The following SCAI variants were observed in gnomAD, a reference collection of about 807,000 sequenced individuals.
The protein encoded by SCAI is suppressor of cancer cell invasion, also known as protein SCAI.
SCAI carries 24 observed loss-of-function variants against 92.2 expected under a neutral mutation model. The ratio of observed to expected loss-of-function variants is 0.26; its 90% CI spans 0.19 to 0.37. SCAI has a LOEUF of 0.37. SCAI is among the 10% of genes least tolerant of loss of function. The pLI is 1.00. For synonymous variants in SCAI, 261 were observed against 258.6 expected (o/e 1.01, Z -0.09); for missense variants, 450 against 736.2 (o/e 0.61, Z 4.50).
rs143630317 is a variant in SCAI at position 124,968,433 on chromosome 9, C to T, written c.1674+2937G>A. On this transcript the variant is annotated intron_variant, in intron 17 of 17. Coordinates refer to ENST00000336505, the MANE Select transcript of SCAI (RefSeq NM_001144877.3). ...CCAGTTTTTCTCAGTCCAGTCATAA[C>T]GCTTGAGTCCACTGGATGGAGAAGA... The T allele has an allele frequency of 3.5e-3, 3,772 of 1,080,452 alleles. 47 individuals are homozygous for T. Among genetic ancestry groups the T allele is most frequent in the Admixed American group, 0.023 (1,381 of 59,052 alleles). 66.9% of individuals were successfully genotyped at this position (1,080,452 alleles called of 1,614,324 possible).
At chr9:125,012,320 T>TA (rs1832656630) in intron 9 of SCAI, among the ~76,000 whole-genome samples, 1 of 151,658 alleles carries the variant, frequency 6.6e-6, no homozygotes, top group Non-Finnish European at 1.5e-5. Context: ...AGGCTCAAAA[T>TA]AAAAGGATGG....
intron 2 of SCAI, among the ~76,000 whole-genome samples, chr9:125,135,917 C>T (rs1011344721): frequency 2.8e-5 from 4 of 143,734 alleles, no homozygotes; most frequent in African/African-American, 7.8e-5. Context: ...TGCAGTGAGC[C>T]GAGATCACAC....
chr9:125,051,741 C>T (rs552187603), intron 3 of SCAI, among the ~76,000 whole-genome samples: 2 of 152,212 alleles, frequency 1.3e-5, no homozygotes, highest in East Asian at 3.9e-4. Flanking sequence ...TAAAAAATAA[C>T]ATAAAACTAA....
At chr9:125,123,180 G>A (rs1426498332) in intron 2 of SCAI, among the ~76,000 whole-genome samples, 3 of 152,072 alleles carry the variant, frequency 2.0e-5, no homozygotes, top group African/African-American at 7.2e-5. Context: ...TGAGAGACAT[G>A]GTAAAACTCT....
At chr9:125,108,641 GC>G (rs1834865538) in intron 2 of SCAI, among the ~76,000 whole-genome samples, 1 of 148,026 alleles carries the variant, frequency 6.8e-6, no homozygotes, top group Non-Finnish European at 1.5e-5. Flanking sequence ...CCCGGCAGCC[GC>G]CCCGTCTGAG....
chr9:125,024,575 AT>A (rs956961740), intron 6 of SCAI, among the ~76,000 whole-genome samples: 4 of 151,604 alleles, frequency 2.6e-5, no homozygotes, highest in Non-Finnish European at 5.9e-5. Flanking sequence ...GTACCCGGCC[AT>A]TTTTTTTAAG....
chr9:124,967,346 T>A (rs2131584468), intron 17 of SCAI, among the ~76,000 whole-genome samples: 1 of 152,300 alleles, frequency 6.6e-6, no homozygotes, highest in African/African-American at 2.4e-5. Flanking sequence ...TCAACCATAT[T>A]CTATCCCCTC....
At chr9:125,078,750 A>C (rs1406446689) in intron 2 of SCAI, among the ~76,000 whole-genome samples, 2 of 152,078 alleles carry the variant, frequency 1.3e-5, no homozygotes, top group African/African-American at 4.8e-5. Context: ...ACTCCTATAA[A>C]AAATCTAAAA....
intron 9 of SCAI, among the ~76,000 whole-genome samples, chr9:125,017,293 G>A (rs1027237607): frequency 1.3e-5 from 2 of 151,754 alleles, no homozygotes; most frequent in Non-Finnish European, 2.9e-5. Flanking sequence ...CATCTAGTTC[G>A]GTGATATCTC....
rs1834400924 is a variant in SCAI, at chr9:125,090,105, T to C, written c.99-34098A>G. 2.0e-5 allele frequency among the ~76,000 whole-genome samples: 3 copies of C among 152,182 alleles called. No homozygotes were observed. The South Asian group carries it at 6.2e-4, about 31-fold the overall frequency. Reference sequence around the variant, plus strand: ...TCTGTGTGTCTAGACTTGAACTCAATTCTGAAATGACTACAACAACCCCCT... The same window carrying C: ...TCTGTGTGTCTAGACTTGAACTCAACTCTGAAATGACTACAACAACCCCCT... On this transcript the variant is annotated intron_variant, in intron 2 of 17. Transcript: ENST00000336505.
At chr9:124,962,589 G>A (rs78656406) in intron 17 of SCAI, among the ~76,000 whole-genome samples, 1 of 152,212 alleles carries the variant, frequency 6.6e-6, no homozygotes, top group African/African-American at 2.4e-5. Flanking sequence ...TGGCTTCACA[G>A]ATTTTCTTTT....
chr9:125,084,579 C>T (rs1396976222), intron 2 of SCAI, among the ~76,000 whole-genome samples: 1 of 152,164 alleles, frequency 6.6e-6, no homozygotes, highest in Non-Finnish European at 1.5e-5. Context: ...CTTCTTCTGA[C>T]TGACCACAGA....
chr9:125,076,265 G>A (rs959977893), intron 2 of SCAI, among the ~76,000 whole-genome samples: 3 of 151,994 alleles, frequency 2.0e-5, no homozygotes, highest in Non-Finnish European at 2.9e-5. Context: ...TTGGGAGGCC[G>A]AGGCAGGCAG....
At chr9:125,117,615 G>A (rs1224748510) in intron 2 of SCAI, among the ~76,000 whole-genome samples, 2 of 127,942 alleles carry the variant, frequency 1.6e-5, no homozygotes, top group East Asian at 2.5e-4. Flanking sequence ...GCAGTGAGCC[G>A]AGATCACACC....
At chr9:124,975,388 C>G in intron 15 of SCAI, 1 of 456,556 alleles carries the variant, frequency 2.2e-6, no homozygotes. Flanking sequence ...GAGACATCAG[C>G]ACTATTCACA....
rs1204304863 is a variant in SCAI at position 124,943,077 on chromosome 9, A to T, written c.*9730T>A. 6.6e-6 allele frequency: 1 copy of T among 152,248 alleles called. No homozygotes were observed. Among genetic ancestry groups the T allele is most frequent in the Non-Finnish European group, 1.5e-5 (1 of 68,044 alleles). The allele number at this position is 152,248 out of a possible 1,614,324, so 9.4% of individuals were successfully genotyped here. On this transcript the variant is annotated 3_prime_UTR_variant, in exon 18 of 18. Transcript: ENST00000336505. ...CTATGGAGTATTAACCATAACAGACAAAGAAGAAAAAGGCTGCTGGAAAGG... is the reference window on the plus strand; with the variant it reads ...CTATGGAGTATTAACCATAACAGACTAAGAAGAAAAAGGCTGCTGGAAAGG...
intron 9 of SCAI, among the ~76,000 whole-genome samples, chr9:125,015,658 G>C (rs1038319438): frequency 1.3e-5 from 2 of 152,090 alleles, no homozygotes; most frequent in Non-Finnish European, 2.9e-5. Context: ...AATACCATTT[G>C]ACCCAGCCAT....
intron 17 of SCAI, chr9:124,968,328 A>AAGTCCAGT (rs1831580595): frequency 8.1e-7 from 1 of 1,234,764 alleles, no homozygotes; most frequent in Admixed American, 1.7e-5. Context: ...CAAGGAAGAC[A>AAGTCCAGT]AGTCCAGTTT....
intron 3 of SCAI, among the ~76,000 whole-genome samples, chr9:125,045,341 T>C (rs1282125630): frequency 1.3e-5 from 2 of 152,004 alleles, no homozygotes; most frequent in Non-Finnish European, 2.9e-5. Context: ...GCTGGGATTA[T>C]AGGCATGAGC....
Sources: allele counts gnomAD v4.1 joint callset (sites outside exome capture counted in the v4.1 genomes callset), GRCh38; gene constraint gnomAD v4.1.1; transcripts MANE v1.5; gene names NCBI Gene and HGNC (gene_info 2026-07-23, HGNC 2026-07-21).